PCDH9: variants seen among roughly 807,000 people sequenced by gnomAD.
PCDH9 encodes protocadherin 9.
Under a neutral mutation model 70.6 loss-of-function variants are expected in PCDH9, and 24 were observed. That is an observed-to-expected ratio of 0.34 (90% confidence interval 0.25 to 0.48). The LOEUF (loss-of-function observed/expected upper bound fraction) is 0.48. Ranked by LOEUF, PCDH9 falls within the 20% of genes least tolerant of loss-of-function variation. The pLI, the probability that PCDH9 is intolerant of heterozygous loss-of-function variation, is 0.99. For missense variants in PCDH9, 1,281 were observed against 1,503.6 expected (o/e 0.85, Z 2.45); for synonymous variants, 562 against 558.5 (o/e 1.01, Z -0.09).
intron 4 of PCDH9, among the ~76,000 whole-genome samples, chr13:66,344,757 GGCCT>G (rs1956187383): frequency 6.6e-6 from 1 of 152,080 alleles, no homozygotes; most frequent in Non-Finnish European, 1.5e-5. Context: ...AAATGTTGTA[GGCCT>G]GCTGCTGCTG....
At chr13:67,058,661 G>T (rs1030713668) in intron 2 of PCDH9, among the ~76,000 whole-genome samples, 2 of 152,060 alleles carry the variant, frequency 1.3e-5, no homozygotes, top group African/African-American at 4.8e-5. Context: ...GTATGCCCAT[G>T]ATCAATGTCA....
chr13:66,760,518 C>T (rs111678436), intron 3 of PCDH9, among the ~76,000 whole-genome samples: 236 of 152,192 alleles, frequency 1.6e-3, no homozygotes, highest in African/African-American at 5.4e-3. Flanking sequence ...CTCTTAATCC[C>T]GTCATCTTCG....
intron 4 of PCDH9, among the ~76,000 whole-genome samples, chr13:66,528,327 A>C (rs1370944526): frequency 6.6e-6 from 1 of 152,122 alleles, no homozygotes; most frequent in Admixed American, 6.6e-5. Flanking sequence ...CCTCCTCGGC[A>C]ATACAAGGTC....
At chr13:66,873,665 C>T (rs1271551769) in intron 3 of PCDH9, among the ~76,000 whole-genome samples, 1 of 152,080 alleles carries the variant, frequency 6.6e-6, no homozygotes, top group African/African-American at 2.4e-5. Flanking sequence ...AACATAGCTC[C>T]TCCCACACTC....
At chr13:66,807,188 T>C (rs978598688) in intron 3 of PCDH9, among the ~76,000 whole-genome samples, 1 of 152,130 alleles carries the variant, frequency 6.6e-6, no homozygotes, top group African/African-American at 2.4e-5. Context: ...ACTTACAGGA[T>C]TACTTAATAT....
intron 2 of PCDH9, among the ~76,000 whole-genome samples, chr13:66,969,231 A>G (rs1459594875): frequency 6.6e-6 from 1 of 151,950 alleles, no homozygotes; most frequent in Non-Finnish European, 1.5e-5. Context: ...TTTTCAACCC[A>G]TACTTTGTTA....
intron 2 of PCDH9, among the ~76,000 whole-genome samples, chr13:66,970,119 T>C (rs947438229): frequency 6.6e-6 from 1 of 152,044 alleles, no homozygotes; most frequent in Non-Finnish European, 1.5e-5. Flanking sequence ...ATCTCACACC[T>C]AGACAAGTTG....
In PCDH9 at chr13:67,225,814, G is replaced by A; in HGVS notation, c.2627C>T (p.Ser876Phe). Residue 876 changes from serine to phenylalanine, a missense_variant, in exon 2 of 5, where the codon TCT becomes TTT. This residue lies in a region of PCDH9 where 207 missense variants were observed against 191.8 expected (regional missense o/e 1.08). Transcript: ENST00000377865. ...NKKKKRKKRK[S>F]PKSSLLNFVT... ...AAAGTTCAAAAGAGAGCTTTTGGGA[G>A]ACTTCCTTTTCTTTCTTTTCTTTTT... 1.2e-6 allele frequency: 2 copies of A among 1,614,086 alleles called. No individual in the cohort carries two copies. Among genetic ancestry groups the A allele is most frequent in the Non-Finnish European group, 1.7e-6 (2 of 1,179,970 alleles).
intron 2 of PCDH9, among the ~76,000 whole-genome samples, chr13:67,003,551 T>C (rs1220776786): frequency 6.6e-6 from 1 of 152,190 alleles, no homozygotes; most frequent in Non-Finnish European, 1.5e-5. Flanking sequence ...AATCAACCCT[T>C]GATGGATACA....
chr13:66,380,181 A>C (rs1956820473), intron 4 of PCDH9, among the ~76,000 whole-genome samples: 1 of 152,188 alleles, frequency 6.6e-6, no homozygotes. Context: ...GCAGCGATAT[A>C]GATTTTAATC....
At chr13:66,464,949 AC>A (rs1232810354) in intron 4 of PCDH9, among the ~76,000 whole-genome samples, 3 of 151,902 alleles carry the variant, frequency 2.0e-5, no homozygotes, top group Non-Finnish European at 2.9e-5. Context: ...AGCAAACTTA[AC>A]CTTCATTAAG....
chr13:67,199,431 G>T (rs2089155744), intron 2 of PCDH9, among the ~76,000 whole-genome samples: 1 of 151,638 alleles, frequency 6.6e-6, no homozygotes, highest in Non-Finnish European at 1.5e-5. Context: ...TATTTAATTA[G>T]TATGTATCAG....
chr13:66,304,415 T>A lies in PCDH9; in HGVS notation c.*240A>T, dbSNP rs1385485096. The A allele has an allele frequency of 2.1e-5, 9 of 419,982 alleles. No individual in the cohort carries two copies. The highest frequency in any genetic ancestry group is 9.8e-5 in the African/African-American group (5 of 50,910). 26.0% of individuals were successfully genotyped at this position (419,982 alleles called of 1,614,324 possible). A position where few individuals can be genotyped will look rare whatever the true frequency, so the allele number is the denominator to read the frequency against. ...AAATAAAATGCAATAATAAAAAAAA[T>A]TTGCACAATGGAGAGATCTCTGGAG... On this transcript the variant is annotated 3_prime_UTR_variant, in exon 5 of 5. Coordinates refer to ENST00000377865, the MANE Select transcript of PCDH9 (RefSeq NM_203487.3).
At chr13:66,413,259 T>C (rs1275508385) in intron 4 of PCDH9, among the ~76,000 whole-genome samples, 1 of 152,242 alleles carries the variant, frequency 6.6e-6, no homozygotes, top group Non-Finnish European at 1.5e-5. Context: ...TAAAATAAAC[T>C]CATTGTAATT....
At chr13:66,619,216 GA>G (rs1212049204) in intron 4 of PCDH9, among the ~76,000 whole-genome samples, 1 of 152,056 alleles carries the variant, frequency 6.6e-6, no homozygotes. Context: ...AGTGTACGGT[GA>G]AAAGTTAATA....
intron 3 of PCDH9, among the ~76,000 whole-genome samples, chr13:66,860,179 G>A (rs566892715): frequency 3.1e-4 from 47 of 152,264 alleles, no homozygotes; most frequent in African/African-American, 8.2e-4. Context: ...CCTGAGTGGC[G>A]TCTGTTTTTG....
chr13:66,380,705 G>A (rs267331), intron 4 of PCDH9, among the ~76,000 whole-genome samples: 3,217 of 152,022 alleles, frequency 0.021, 116 homozygotes, highest in African/African-American at 0.072. Flanking sequence ...CACCACGCCC[G>A]GCTAATTTTT....
At chr13:66,582,662 G>T (rs2076909016) in intron 4 of PCDH9, among the ~76,000 whole-genome samples, 1 of 151,922 alleles carries the variant, frequency 6.6e-6, no homozygotes, top group South Asian at 2.1e-4. Context: ...AAATAAAACA[G>T]ATAAAATATT....
intron 4 of PCDH9, among the ~76,000 whole-genome samples, chr13:66,353,738 G>C (rs1416791031): frequency 1.3e-5 from 2 of 151,644 alleles, no homozygotes; most frequent in African/African-American, 4.8e-5. Context: ...CAATGCTTCT[G>C]TTTGTTAAAC....
Sources: gnomAD v4.1 joint callset for allele counts (sites outside exome capture counted in the v4.1 genomes callset) on GRCh38, gnomAD v4.1.1 for gene constraint, gnomAD v4.1.1 regional missense constraint, MANE v1.5 for transcripts, NCBI Gene and HGNC (gene_info 2026-07-23, HGNC 2026-07-21) for gene names.